Variants in TACC2 observed in about 807,000 individuals in gnomAD.
TACC2 encodes transforming acidic coiled-coil containing protein 2.
TACC2 carries 137 observed loss-of-function variants against 227.3 expected under a neutral mutation model. That is an observed-to-expected ratio of 0.60 (90% confidence interval 0.52 to 0.69). The LOEUF is 0.69. Among genes scored for constraint, TACC2 ranks in the 30% least tolerant of loss-of-function variants. The probability of loss-of-function intolerance (pLI) is 0.00; values close to 1 mark genes in which losing one functional copy is unlikely to be tolerated. For synonymous variants in TACC2, 1,523 were observed against 1,487.5 expected, an observed-to-expected ratio of 1.02 and a Z score of -0.55; for missense variants, 3,470 against 3,694.4, an observed-to-expected ratio of 0.94 and a Z score of 1.57.
chr10:122,231,404 C>T (rs1003843938), intron 16 of TACC2, among the ~76,000 whole-genome samples: 14 of 151,954 alleles, frequency 9.2e-5, no homozygotes, highest in African/African-American at 3.1e-4. Context: ...TATTGCCGTT[C>T]GTGAGATGAG....
intron 8 of TACC2, among the ~76,000 whole-genome samples, chr10:122,198,901 C>T (rs1202539438): frequency 1.3e-5 from 2 of 152,254 alleles, no homozygotes; most frequent in Admixed American, 6.5e-5. Context: ...GCCTAGGCCA[C>T]GCCCCCGAGG....
chr10:122,198,059 A>G (rs1207332214), intron 8 of TACC2, among the ~76,000 whole-genome samples: 1 of 152,278 alleles, frequency 6.6e-6, no homozygotes, highest in Admixed American at 6.5e-5. Context: ...CACGTGAATT[A>G]ATACACAACA....
chr10:122,087,132 G>C lies in TACC2; in HGVS notation c.4632G>C (p.Gln1544His). Residue 1544 changes from glutamine to histidine, a missense_variant, in exon 4 of 23, where the codon CAG becomes CAC. Coordinates refer to ENST00000369005, the MANE Select transcript of TACC2 (RefSeq NM_206862.4). ...CAGCCTGGCCAGGCCTGGAAGGCCAGGCTTACTCACAGCTGGAGAGGAGCA... is the reference window on the plus strand; with the variant it reads ...CAGCCTGGCCAGGCCTGGAAGGCCACGCTTACTCACAGCTGGAGAGGAGCA... ...PGAAWPGLEGQAYSQLERSRQ... is the reference protein window; with the variant it reads ...PGAAWPGLEGHAYSQLERSRQ... The C allele has an allele frequency of 1.2e-6, 2 of 1,610,894 alleles. No homozygotes were observed. The highest frequency in any genetic ancestry group is 1.7e-6 in the Non-Finnish European group (2 of 1,179,094).
chr10:122,227,784 C>A, intron 13 of TACC2, 53 bp from the exon 14 acceptor site: 2 of 1,557,752 alleles, frequency 1.3e-6, no homozygotes, highest in Non-Finnish European at 1.7e-6. Context: ...TGGTTGATTT[C>A]AGTGGGTTTC....
intron 14 of TACC2, among the ~76,000 whole-genome samples, chr10:122,228,631 G>A (rs190326500): frequency 7.9e-5 from 12 of 152,068 alleles, no homozygotes; most frequent in South Asian, 6.3e-4. Context: ...TCTACCTCCC[G>A]CCCAGCAATC....
intron 6 of TACC2, 91 bp from the exon 7 acceptor site, chr10:122,143,481 C>T (rs870759): frequency 1.2e-5 from 12 of 975,780 alleles, no homozygotes; most frequent in East Asian, 5.8e-5. Flanking sequence ...CATGTGTGGG[C>T]GGGTGGGTTG....
chr10:122,019,299 C>T (rs1485117063), intron 1 of TACC2, among the ~76,000 whole-genome samples: 1 of 152,212 alleles, frequency 6.6e-6, no homozygotes, highest in African/African-American at 2.4e-5. Context: ...GCCAGACTGC[C>T]GCGTCATCAC....
chr10:122,231,034 A>G lies in TACC2; in HGVS notation c.8127+594A>G, dbSNP rs545318477. Among the ~76,000 whole-genome samples the G allele has an allele frequency of 8.5e-5, 13 of 152,340 alleles. No individual in the cohort carries two copies. In the South Asian group the frequency reaches 2.5e-3, roughly 29 times the overall value. Reference sequence around the variant, plus strand: ...GGCCGTACTGTCTGGCACTGTTCCAATAAAACTTTTATTTGTCTGTTTGTT... The same window carrying G: ...GGCCGTACTGTCTGGCACTGTTCCAGTAAAACTTTTATTTGTCTGTTTGTT... On this transcript the variant is annotated intron_variant, in intron 16 of 22. Transcript: ENST00000369005.
In TACC2 at chr10:122,229,634, A is replaced by G. The variant is rs2095696032; in HGVS notation, c.8037+148A>G. On this transcript the variant is annotated intron_variant, in intron 15 of 22. Coordinates refer to ENST00000369005, the MANE Select transcript of TACC2 (RefSeq NM_206862.4). ...ATATCTTCCCCTCAAAGGATGGTAT[A>G]TGTGACGTTCTTTCCCCACGATACC... The G allele has an allele frequency of 6.7e-6, 6 of 898,392 alleles. No individual in the cohort carries two copies. In the Admixed American group the frequency reaches 9.1e-5, roughly 14 times the overall value. The allele number at this position is 898,392 out of a possible 1,614,324, so 55.7% of individuals were successfully genotyped here.
intron 6 of TACC2, 72 bp downstream of exon 6, chr10:122,132,806 C>T (rs935621614): frequency 6.8e-7 from 1 of 1,477,102 alleles, no homozygotes. Flanking sequence ...CCCCCGCTCC[C>T]CTCCCTTCCC....
chr10:122,097,012 C>T (rs115166203), intron 5 of TACC2, among the ~76,000 whole-genome samples: 2,585 of 152,068 alleles, frequency 0.017, 27 homozygotes, highest in Middle Eastern at 0.024. Flanking sequence ...CAAGCCTGGC[C>T]GAGGGTGTTT....
intron 5 of TACC2, 102 bp from the exon 6 acceptor site, chr10:122,132,507 C>A: frequency 7.2e-7 from 1 of 1,395,514 alleles, no homozygotes; most frequent in Non-Finnish European, 1.0e-6. Context: ...GGAGATCGCG[C>A]CATTGCCCTC....
chr10:122,056,261 G>A lies in TACC2; in HGVS notation c.146+5711G>A, dbSNP rs139446212. ...GCGATCTCAGCTCACTGCAACCTCC[G>A]CCTCCCGGGTTCTAGCGTTTCTCCT... On this transcript the variant is annotated intron_variant, in intron 3 of 22. Coordinates refer to ENST00000369005, the MANE Select transcript of TACC2 (RefSeq NM_206862.4). Among the ~76,000 whole-genome samples the A allele has an allele frequency of 9.5e-3, 1,453 of 152,262 alleles. 27 individuals are homozygous for A. The highest frequency in any genetic ancestry group is 0.032 in the African/African-American group (1,339 of 41,538).
chr10:122,230,690 TGTATGG>T (rs1419749186), intron 16 of TACC2, among the ~76,000 whole-genome samples: 1 of 152,112 alleles, frequency 6.6e-6, no homozygotes, highest in African/African-American at 2.4e-5. Context: ...CAGAGACCAA[TGTATGG>T]GTCAGTAGGG....
At chr10:122,213,418 G>T in intron 9 of TACC2, 4 of 1,605,766 alleles carry the variant, frequency 2.5e-6, no homozygotes, top group Non-Finnish European at 3.4e-6. Flanking sequence ...TGCCAAATGT[G>T]CTTATTTTTC....
At chr10:122,236,265 C>G (rs554562914) in intron 16 of TACC2, among the ~76,000 whole-genome samples, 1 of 152,242 alleles carries the variant, frequency 6.6e-6, no homozygotes, top group South Asian at 2.1e-4. Flanking sequence ...ATTATTCTTT[C>G]CCCAAATCTC....
chr10:122,124,782 C>T (rs1253140828), intron 5 of TACC2, among the ~76,000 whole-genome samples: 12 of 152,330 alleles, frequency 7.9e-5, no homozygotes, highest in African/African-American at 2.2e-4. Flanking sequence ...TCCCTTTCCC[C>T]GATTCCGCAG....
intron 17 of TACC2, among the ~76,000 whole-genome samples, chr10:122,237,760 C>T (rs1395514919): frequency 6.6e-6 from 1 of 152,198 alleles, no homozygotes; most frequent in African/African-American, 2.4e-5. Flanking sequence ...TTCAGTTGCT[C>T]CCCAGTGGGC....
At chr10:122,190,198 C>T (rs1156966870) in intron 7 of TACC2, among the ~76,000 whole-genome samples, 3 of 152,100 alleles carry the variant, frequency 2.0e-5, no homozygotes, top group East Asian at 1.9e-4. Context: ...ATTTTGTTGT[C>T]GTAGTTCATA....
Sources: allele counts gnomAD v4.1 joint callset (sites outside exome capture counted in the v4.1 genomes callset), GRCh38; gene constraint gnomAD v4.1.1; transcripts MANE v1.5; gene names NCBI Gene and HGNC (gene_info 2026-07-23, HGNC 2026-07-21).